MDM1: variants seen among roughly 807,000 people sequenced by gnomAD.
The protein encoded by MDM1 is Mdm1 nuclear protein.
A neutral mutation model predicts 89.1 loss-of-function variants in MDM1; 61 were observed. The ratio of observed to expected loss-of-function variants is 0.68; its 90% CI spans 0.56 to 0.85. The LOEUF (loss-of-function observed/expected upper bound fraction) is 0.85. Among genes scored for constraint, MDM1 ranks in the 40% least tolerant of loss-of-function variants. MDM1 has a pLI of 0.00. For synonymous variants in MDM1, 290 were observed against 294.1 expected (o/e 0.99, Z 0.14); for missense variants, 820 against 846.5 (o/e 0.97, Z 0.39).
chr12:68,315,931 A>T, intron 9 of MDM1, 147 bp downstream of exon 9: 1 of 597,502 alleles, frequency 1.7e-6, no homozygotes, highest in Non-Finnish European at 2.7e-6. Flanking sequence ...TTTATTTTTC[A>T]CTGAGAATAA....
chr12:68,326,423 T>G, intron 3 of MDM1: 1 of 1,451,122 alleles, frequency 6.9e-7, no homozygotes, highest in Admixed American at 2.8e-5. Flanking sequence ...ACGCAGGAGG[T>G]CCATCCAATA....
At chr12:68,321,659 C>T (rs771475910) in intron 5 of MDM1, 31 bp from the exon 6 acceptor site, 1 of 1,427,206 alleles carries the variant, frequency 7.0e-7, no homozygotes, top group Non-Finnish European at 9.8e-7. Flanking sequence ...GCTTTTTATG[C>T]TTAAGATGTT....
chr12:68,301,493 C>T (rs1258974293), intron 13 of MDM1, among the ~76,000 whole-genome samples: 1 of 152,104 alleles, frequency 6.6e-6, no homozygotes, highest in Non-Finnish European at 1.5e-5. Context: ...ATGTTGGGTA[C>T]AGTGTACACT....
intron 12 of MDM1, among the ~76,000 whole-genome samples, chr12:68,311,302 C>A (rs1421087118): frequency 6.6e-6 from 1 of 152,158 alleles, no homozygotes. Flanking sequence ...GGCCCCTTAA[C>A]ATTGGCCTAA....
rs1049110421 is a variant in MDM1, at chr12:68,309,798, A to G, written c.1749+3645T>C. ...ATATAAGGGGAAAAACTGATGGTGT[A>G]TATCAAAGTTTAGTGACTCCTCTGC... On this transcript the variant is annotated intron_variant, in intron 12 of 14. Transcript: ENST00000682720. Among the ~76,000 whole-genome samples, 3 of 152,244 alleles carry G rather than the reference A, an allele frequency of 2.0e-5. No homozygotes were observed. The South Asian group carries it at 6.2e-4, about 31-fold the overall frequency.
chr12:68,315,073 C>T lies in MDM1; in HGVS notation c.1404G>A (p.Gly468=). 3 of 1,614,084 alleles carry T rather than the reference C, an allele frequency of 1.9e-6. No individual in the cohort carries two copies. The highest frequency in any genetic ancestry group is 2.5e-6 in the Non-Finnish European group (3 of 1,180,016). The change falls in exon 10 of 15, where the codon GGG becomes GGA. Residue 468 remains glycine, a synonymous_variant. Coordinates refer to ENST00000682720, the MANE Select transcript of MDM1 (RefSeq NM_001354969.2). ...NTSEDVQKQP[G]EKEEEDDNEE... ...CATTGTCGTCCTCCTCCTCTTTCTC[C>T]CCGGGCTGTTTCTGTACGTCTTCAC...
chr12:68,318,797 T>C (rs934032950), intron 7 of MDM1, among the ~76,000 whole-genome samples: 1 of 152,186 alleles, frequency 6.6e-6, no homozygotes, highest in Non-Finnish European at 1.5e-5. Flanking sequence ...TATGATACAA[T>C]TATAAGTAGA....
Position 68,316,065 on chromosome 12 carries a change from A to G in MDM1, c.1211+13T>C, listed in dbSNP as rs372670603. On this transcript the variant is annotated intron_variant, in intron 9 of 14. Coordinates refer to ENST00000682720, the MANE Select transcript of MDM1 (RefSeq NM_001354969.2). ...CAACAAACTTTTTTTGCCATCCACA[A>G]AGAATATCTCACCCAGCAAGATCTA... 33 of 1,580,642 alleles carry G rather than the reference A, an allele frequency of 2.1e-5. 1 individual carries two copies. In the African/African-American group the frequency reaches 3.6e-4, roughly 17 times the overall value.
At position 68,323,185 on chromosome 12, in the gene MDM1, T is replaced by C. The variant is rs760137426; in HGVS notation, c.689A>G (p.His230Arg). ...GAAATTTCTTTTGTATTCAGTTTCATGGATGACTGAGTTACCTTTGAATGG... is the reference window on the plus strand; with the variant it reads ...GAAATTTCTTTTGTATTCAGTTTCACGGATGACTGAGTTACCTTTGAATGG... ...VPPFKGNSVI[H>R]ETEYKRNFKG... Residue 230 changes from histidine (H) to arginine (R), a missense_variant, in exon 5 of 15, where the codon CAT (histidine) becomes CGT (arginine). Coordinates refer to ENST00000682720, the MANE Select transcript of MDM1 (RefSeq NM_001354969.2). 1 of 1,609,970 alleles carries C rather than the reference T, an allele frequency of 6.2e-7. No individual in the cohort carries two copies. The highest frequency in any genetic ancestry group is 8.5e-7 in the Non-Finnish European group (1 of 1,178,716).
chr12:68,322,740 A>G (rs1408588422), intron 5 of MDM1, among the ~76,000 whole-genome samples: 1 of 152,252 alleles, frequency 6.6e-6, no homozygotes, highest in Non-Finnish European at 1.5e-5. Flanking sequence ...GGTTACTGTA[A>G]ATCCAGTCAT....
At chr12:68,306,022 T>C (rs1872833578) in intron 12 of MDM1, among the ~76,000 whole-genome samples, 1 of 147,986 alleles carries the variant, frequency 6.8e-6, no homozygotes, top group African/African-American at 2.5e-5. Flanking sequence ...CCTATTACTA[T>C]AAAGTTACAG....
At chr12:68,323,893 T>C (rs1875585824) in intron 4 of MDM1, among the ~76,000 whole-genome samples, 1 of 152,192 alleles carries the variant, frequency 6.6e-6, no homozygotes, top group African/African-American at 2.4e-5. Flanking sequence ...TTATCTTTTT[T>C]AGTACAGTAT....
intron 12 of MDM1, among the ~76,000 whole-genome samples, chr12:68,304,334 C>T (rs1241813506): frequency 6.6e-6 from 1 of 152,146 alleles, no homozygotes; most frequent in African/African-American, 2.4e-5. Context: ...CTGATTATTT[C>T]TTGTAATTGT....
At chr12:68,329,081 T>C (rs1329908183) in intron 2 of MDM1, among the ~76,000 whole-genome samples, 1 of 152,232 alleles carries the variant, frequency 6.6e-6, no homozygotes, top group Non-Finnish European at 1.5e-5. Flanking sequence ...AATAGCCCTG[T>C]AGGCGCTCAG....
At chr12:68,305,988 A>T (rs1872827952) in intron 12 of MDM1, among the ~76,000 whole-genome samples, 1 of 151,648 alleles carries the variant, frequency 6.6e-6, no homozygotes, top group Non-Finnish European at 1.5e-5. Context: ...ACAAAGCTGG[A>T]GGCATTACAT....
At chr12:68,316,348 A>G in intron 8 of MDM1, 95 bp from the exon 9 acceptor site, 1 of 1,365,106 alleles carries the variant, frequency 7.3e-7, no homozygotes, top group Non-Finnish European at 9.9e-7. Flanking sequence ...AAATACAGCC[A>G]GGGACCAAAG....
chr12:68,315,108 C>G lies in MDM1; in HGVS notation c.1369G>C (p.Glu457Gln). The G allele has an allele frequency of 6.2e-7, 1 of 1,614,146 alleles. No homozygotes were observed. The highest frequency in any genetic ancestry group is 1.7e-5 in the Admixed American group (1 of 60,022). The change falls in exon 10 of 15, where the codon GAG becomes CAG. Residue 457 changes from glutamate (E) to glutamine (Q), a missense_variant. By Grantham distance (29) the Glu-to-Gln change is conservative (BLOSUM62 2). Coordinates refer to ENST00000682720, the MANE Select transcript of MDM1 (RefSeq NM_001354969.2). Reference protein sequence around the residue: ...PVRRRLAWDTENTSEDVQKQP... With the variant: ...PVRRRLAWDTQNTSEDVQKQP... ...TTCTGTACGTCTTCACTTGTGTTCTCTGTATCCCAAGCCAGCCGCCTTCTA... is the reference window on the plus strand; with the variant it reads ...TTCTGTACGTCTTCACTTGTGTTCTGTGTATCCCAAGCCAGCCGCCTTCTA...
At chr12:68,298,156 G>A (rs1871658116) in intron 13 of MDM1, among the ~76,000 whole-genome samples, 1 of 152,148 alleles carries the variant, frequency 6.6e-6, no homozygotes, top group South Asian at 2.1e-4. Context: ...TCATCTCTAG[G>A]TAGAATAACG....
chr12:68,324,274 T>C (rs954413738), intron 4 of MDM1, among the ~76,000 whole-genome samples: 6 of 152,130 alleles, frequency 3.9e-5, no homozygotes, highest in African/African-American at 1.4e-4. Flanking sequence ...AGCTCTATTT[T>C]AAAGGTCAAA....
Sources: gnomAD v4.1 joint callset for allele counts (sites outside exome capture counted in the v4.1 genomes callset) on GRCh38, gnomAD v4.1.1 for gene constraint, MANE v1.5 for transcripts, NCBI Gene and HGNC (gene_info 2026-07-23, HGNC 2026-07-21) for gene names.